DAB1: variants seen among roughly 807,000 people sequenced by gnomAD.
The protein encoded by DAB1 is DAB adaptor protein 1, also known as disabled homolog 1.
Under a neutral mutation model 64.6 loss-of-function variants are expected in DAB1, and 15 were observed. The ratio of observed to expected loss-of-function variants is 0.23; its 90% CI spans 0.16 to 0.36. DAB1 has a LOEUF of 0.36. Among genes scored for constraint, DAB1 ranks in the 10% least tolerant of loss-of-function variants. DAB1 has a pLI of 1.00. For missense variants in DAB1, 596 were observed against 706.7 expected (o/e 0.84, Z 1.78); for synonymous variants, 235 against 251.9 (o/e 0.93, Z 0.64).
At chr1:57,023,461 C>T in intron 11 of DAB1, 70 bp downstream of exon 11, 2 of 868,872 alleles carry the variant, frequency 2.3e-6, no homozygotes, top group Non-Finnish European at 3.8e-6. Context: ...CGGTGGCTGG[C>T]TCTGTAAACT....
intron 1 of DAB1, among the ~76,000 whole-genome samples, chr1:57,363,936 C>A (rs1679758409): frequency 6.6e-6 from 1 of 152,146 alleles, no homozygotes; most frequent in African/African-American, 2.4e-5. Context: ...AATTTCAGTC[C>A]TAGAGAGTTT....
At chr1:57,371,132 A>T (rs775540024) in intron 1 of DAB1, among the ~76,000 whole-genome samples, 1 of 152,292 alleles carries the variant, frequency 6.6e-6, no homozygotes, top group African/African-American at 2.4e-5. Flanking sequence ...TTCCTGCTGA[A>T]CCATAACATT....
Position 57,688,594 on chromosome 1 carries a change from T to G in DAB1, n.552-38929A>C, listed in dbSNP as rs150074524. ...GTACCCAAAGGAAAATAGATCATTA[T>G]ACCAAAAAGACACATATACTTATAT... On this transcript the variant is annotated intron_variant and non_coding_transcript_variant, in intron 6 of 20. Coordinates refer to the DAB1 transcript ENST00000485760. Among the ~76,000 whole-genome samples, 31 of 152,240 alleles carry G rather than the reference T, an allele frequency of 2.0e-4. 1 individual carries two copies. The East Asian group carries it at 6.0e-3, about 29-fold the overall frequency.
At chr1:57,808,248 G>A (rs1300854305) in intron 6 of DAB1, among the ~76,000 whole-genome samples, 1 of 151,064 alleles carries the variant, frequency 6.6e-6, no homozygotes, top group Non-Finnish European at 1.5e-5. Context: ...TTCACATGCT[G>A]TTTTCTCTCC....
At chr1:57,761,903 T>C (rs149605248) in intron 6 of DAB1, among the ~76,000 whole-genome samples, 80 of 152,284 alleles carry the variant, frequency 5.3e-4, no homozygotes, top group African/African-American at 1.8e-3. Flanking sequence ...CTGTTGGTGA[T>C]GATGGGTCAC....
At chr1:58,383,385 G>A (rs1175367620) in intron 3 of DAB1, among the ~76,000 whole-genome samples, 1 of 152,070 alleles carries the variant, frequency 6.6e-6, no homozygotes, top group Non-Finnish European at 1.5e-5. Context: ...ACTCCTAGCG[G>A]CCCCAAAACA....
At chr1:57,304,221 C>A (rs772978245) in intron 1 of DAB1, among the ~76,000 whole-genome samples, 1 of 152,044 alleles carries the variant, frequency 6.6e-6, no homozygotes, top group Non-Finnish European at 1.5e-5. Flanking sequence ...GGGGGAGGTG[C>A]CTCATACTTT....
chr1:57,396,196 C>T (rs924782633), intron 1 of DAB1, among the ~76,000 whole-genome samples: 4 of 152,170 alleles, frequency 2.6e-5, no homozygotes, highest in African/African-American at 7.2e-5. Context: ...GTCGCTAGCA[C>T]CGAACACATA....
intron 2 of DAB1, among the ~76,000 whole-genome samples, chr1:57,185,665 G>A (rs111542500): frequency 7.9e-5 from 12 of 152,288 alleles, no homozygotes; most frequent in East Asian, 3.9e-4. Context: ...CAGTATTAGC[G>A]CAGATGGAAG....
At chr1:57,174,790 A>G (rs1003773080) in intron 2 of DAB1, among the ~76,000 whole-genome samples, 1 of 152,128 alleles carries the variant, frequency 6.6e-6, no homozygotes, top group African/African-American at 2.4e-5. Flanking sequence ...TCAAAAACCT[A>G]TGTTAGACGC....
chr1:58,188,738 G>A lies in DAB1; in HGVS notation n.310-38150C>T, dbSNP rs148864564. ...TATCAGAACTTGCTAGAAATTGATG[G>A]TGGTGGTTATGTATACCTGTCACCA... On this transcript the variant is annotated intron_variant and non_coding_transcript_variant, in intron 4 of 20. Coordinates refer to the DAB1 transcript ENST00000485760. 9.3e-3 allele frequency among the ~76,000 whole-genome samples: 1,418 copies of A among 152,316 alleles called. 10 individuals are homozygous for A. Among genetic ancestry groups the A allele is most frequent in the Non-Finnish European group, 0.013 (895 of 68,022 alleles).
Position 58,018,171 on chromosome 1 carries a change from A to G in DAB1, n.387+132340T>C, listed in dbSNP as rs540584840. On this transcript the variant is annotated intron_variant and non_coding_transcript_variant, in intron 5 of 20. Transcript: ENST00000485760. ...ACGTTCCCTCACTCTCTCTGCTTCT[A>G]TCTGTGTCTCCCTCTGTCTCTCCCT... is the stretch of plus-strand genomic sequence containing the variant. 2.6e-5 allele frequency among the ~76,000 whole-genome samples: 4 copies of G among 152,050 alleles called. No homozygotes were observed. In the South Asian group the frequency reaches 6.3e-4, roughly 24 times the overall value.
At chr1:58,304,506 A>C (rs1046994730) in intron 4 of DAB1, among the ~76,000 whole-genome samples, 1 of 152,262 alleles carries the variant, frequency 6.6e-6, no homozygotes, top group Non-Finnish European at 1.5e-5. Context: ...AGACAAGAGC[A>C]GATTACAAAA....
chr1:57,533,660 T>A (rs1328047648), intron 7 of DAB1, among the ~76,000 whole-genome samples: 2 of 104,902 alleles, frequency 1.9e-5, no homozygotes, highest in African/African-American at 5.9e-5. Context: ...TTCAGCTTCC[T>A]TGCAGCCAAA....
intron 7 of DAB1, among the ~76,000 whole-genome samples, chr1:57,642,877 G>T (rs552153579): frequency 6.6e-6 from 1 of 152,254 alleles, no homozygotes; most frequent in South Asian, 2.1e-4. Flanking sequence ...CTTTCTCCAT[G>T]AGTTCTTTGG....
At chr1:57,708,656 G>C (rs1646994029) in intron 6 of DAB1, among the ~76,000 whole-genome samples, 1 of 152,192 alleles carries the variant, frequency 6.6e-6, no homozygotes, top group South Asian at 2.1e-4. Flanking sequence ...GCCAGGGCTG[G>C]TCTGAAGGCT....
At chr1:58,363,061 A>G (rs1452693106) in intron 3 of DAB1, among the ~76,000 whole-genome samples, 3 of 152,174 alleles carry the variant, frequency 2.0e-5, no homozygotes, top group Admixed American at 1.3e-4. Flanking sequence ...TTCTTATAAC[A>G]GCACTAACCC....
intron 6 of DAB1, among the ~76,000 whole-genome samples, chr1:57,797,379 T>C (rs1414011248): frequency 1.3e-5 from 2 of 152,248 alleles, no homozygotes; most frequent in Non-Finnish European, 2.9e-5. Context: ...TACAAGCCTA[T>C]TGTCTTGCTG....
intron 5 of DAB1, among the ~76,000 whole-genome samples, chr1:58,087,739 A>G (rs1207028645): frequency 6.6e-6 from 1 of 152,220 alleles, no homozygotes; most frequent in African/African-American, 2.4e-5. Context: ...AAAAGAAAAG[A>G]AAGATCAAGC....
Sources: gnomAD v4.1 joint callset for allele counts (sites outside exome capture counted in the v4.1 genomes callset) on GRCh38, gnomAD v4.1.1 for gene constraint, MANE v1.5 for transcripts, NCBI Gene and HGNC (gene_info 2026-07-23, HGNC 2026-07-21) for gene names.